Variants in CACNA1C observed in about 807,000 individuals in gnomAD.
CACNA1C encodes the protein calcium voltage-gated channel subunit alpha1 C.
CACNA1C carries 30 observed loss-of-function variants against 229.0 expected under a neutral mutation model. The ratio of observed to expected loss-of-function variants is 0.13; its 90% CI spans 0.10 to 0.18. The LOEUF (loss-of-function observed/expected upper bound fraction) is 0.18, where lower values mean the gene tolerates loss of function less well. Ranked by LOEUF, CACNA1C falls within the 10% of genes least tolerant of loss-of-function variation. The pLI, the probability that CACNA1C is intolerant of heterozygous loss-of-function variation, is 1.00. For missense variants in CACNA1C, 1,658 were observed against 2,845.0 expected (o/e 0.58, Z 9.49); for synonymous variants, 1,114 against 1,132.5 (o/e 0.98, Z 0.33).
Position 2,688,454 on chromosome 12 carries a change from C to T in CACNA1C, c.5792C>T (p.Ala1931Val). 1 of 1,613,698 alleles carries T rather than the reference C, an allele frequency of 6.2e-7. No homozygotes were observed. The highest frequency in any genetic ancestry group is 8.5e-7 in the Non-Finnish European group (1 of 1,179,804). ...CTCCTTGTGTGTCCGCAGGCATTGGCAGTGGCAGGCCTGAGCCCCCTCCTC... is the reference window on the plus strand; with the variant it reads ...CTCCTTGTGTGTCCGCAGGCATTGGTAGTGGCAGGCCTGAGCCCCCTCCTC... ...PLHLVHHQALAVAGLSPLLQR... is the reference protein window; with the variant it reads ...PLHLVHHQALVVAGLSPLLQR... Residue 1931 changes from alanine to valine, a missense_variant, in exon 46 of 47, where the codon GCA (alanine) becomes GTA (valine). Ala to Val is a moderately conservative substitution (Grantham distance 64). Coordinates refer to ENST00000399655, the MANE Select transcript of CACNA1C (RefSeq NM_000719.7).
In CACNA1C at chr12:2,605,634, C is replaced by A; in HGVS notation, c.3049-45C>A. 7.1e-7 allele frequency: 1 copy of A among 1,417,178 alleles called. No individual in the cohort carries two copies. The highest frequency in any genetic ancestry group is 1.0e-6 in the Non-Finnish European group (1 of 1,001,262). 87.8% of individuals were successfully genotyped at this position (1,417,178 alleles called of 1,614,324 possible). A position where few individuals can be genotyped will look rare whatever the true frequency, so the allele number is the denominator to read the frequency against. On this transcript the variant is annotated intron_variant, in intron 23 of 46. Transcript: ENST00000399655. The surrounding 1 kb of genome is among the most constrained non-coding windows in gnomAD (Gnocchi z 6.2). The stretch of plus-strand genomic sequence containing the variant: ...TGCTACCTCCTGGAAAGGCTCCTGG[C>A]ATCTCCTGAAGCCACGTCCCTCTCC...
At chr12:2,469,740 G>A (rs575915545) in intron 5 of CACNA1C, among the ~76,000 whole-genome samples, 1 of 152,218 alleles carries the variant, frequency 6.6e-6, no homozygotes, top group South Asian at 2.1e-4. Context: ...AGACCATATA[G>A]TCCTACTAAT....
chr12:2,523,205 T>A (rs985750245), intron 9 of CACNA1C, among the ~76,000 whole-genome samples: 2 of 152,136 alleles, frequency 1.3e-5, no homozygotes, highest in Non-Finnish European at 2.9e-5. Flanking sequence ...AGTTGAACTT[T>A]ATGATTCTGA....
At chr12:2,173,644 C>T (rs902641264) in intron 3 of CACNA1C, among the ~76,000 whole-genome samples, 1 of 152,062 alleles carries the variant, frequency 6.6e-6, no homozygotes, top group Admixed American at 6.5e-5. Flanking sequence ...TCCCTTTCTC[C>T]CCGCCTGAGC....
chr12:2,161,962 G>A (rs1412545891), intron 3 of CACNA1C, among the ~76,000 whole-genome samples: 5 of 152,162 alleles, frequency 3.3e-5, no homozygotes, highest in Non-Finnish European at 7.4e-5. Flanking sequence ...GCACTTAACT[G>A]TTCTGTTTCT....
At chr12:2,573,916 T>A (rs1433842377) in intron 13 of CACNA1C, among the ~76,000 whole-genome samples, 2 of 152,234 alleles carry the variant, frequency 1.3e-5, no homozygotes, top group Non-Finnish European at 2.9e-5. Context: ...TGATATATCA[T>A]TATGAGGAAA....
chr12:2,438,051 ATGATGGTGGTGATGATGGTAG>A (rs1463558915), intron 3 of CACNA1C, among the ~76,000 whole-genome samples: 1 of 124,644 alleles, frequency 8.0e-6, no homozygotes, highest in Non-Finnish European at 1.7e-5. Flanking sequence ...GGTGGTGGTA[ATGATGGTGGTGATGATGGTAG>A]TGATGGTGGT....
intron 3 of CACNA1C, among the ~76,000 whole-genome samples, chr12:2,376,218 G>A (rs192111883): frequency 1.1e-3 from 166 of 152,306 alleles, no homozygotes; most frequent in Non-Finnish European, 2.0e-3. Flanking sequence ...CACTGCCATG[G>A]AGGACACTCT....
intron 3 of CACNA1C, among the ~76,000 whole-genome samples, chr12:2,175,025 C>CA: frequency 6.6e-6 from 1 of 152,272 alleles, no homozygotes; most frequent in African/African-American, 2.4e-5. Context: ...AGAAAATCCA[C>CA]ATGTAAGTGA....
chr12:2,043,042 C>A (rs1446862771), intron 1 of CACNA1C, among the ~76,000 whole-genome samples: 1 of 152,174 alleles, frequency 6.6e-6, no homozygotes, highest in Non-Finnish European at 1.5e-5. Flanking sequence ...GACACTGTCA[C>A]CCGTTTATCT....
intron 1 of CACNA1C, among the ~76,000 whole-genome samples, chr12:1,984,234 C>A (rs1472362985): frequency 6.6e-6 from 1 of 152,004 alleles, no homozygotes; most frequent in Non-Finnish European, 1.5e-5. Flanking sequence ...AACGTAACTA[C>A]CGATATGGTT....
chr12:2,662,608 G>A (rs113842372), intron 34 of CACNA1C, among the ~76,000 whole-genome samples: 2 of 152,302 alleles, frequency 1.3e-5, no homozygotes, highest in African/African-American at 4.8e-5. Flanking sequence ...ACTCCCAACA[G>A]GATTATTCAC....
intron 15 of CACNA1C, among the ~76,000 whole-genome samples, chr12:2,583,159 C>T (rs1182910656): frequency 1.3e-5 from 2 of 152,206 alleles, no homozygotes; most frequent in Non-Finnish European, 1.5e-5. Flanking sequence ...GCAGCGGCGC[C>T]GCGCTCCGGG....
chr12:2,036,910 T>G (rs1164951487), intron 1 of CACNA1C, among the ~76,000 whole-genome samples: 3 of 152,146 alleles, frequency 2.0e-5, no homozygotes, highest in Non-Finnish European at 4.4e-5. Context: ...ACAGGAGGAT[T>G]CGGGGTACCC....
intron 3 of CACNA1C, among the ~76,000 whole-genome samples, chr12:2,267,835 T>G (rs892437599): frequency 1.3e-5 from 2 of 152,138 alleles, no homozygotes; most frequent in African/African-American, 4.8e-5. Context: ...GGGAGGGGTA[T>G]TCCCCCTGGT....
intron 3 of CACNA1C, among the ~76,000 whole-genome samples, chr12:2,345,040 T>G (rs1316306344): frequency 6.7e-6 from 1 of 148,756 alleles, no homozygotes; most frequent in Non-Finnish European, 1.5e-5. Flanking sequence ...GGAACCATAC[T>G]AGATCAAGCT....
At chr12:2,352,766 G>A (rs2097242999) in intron 3 of CACNA1C, among the ~76,000 whole-genome samples, 1 of 152,136 alleles carries the variant, frequency 6.6e-6, no homozygotes, top group African/African-American at 2.4e-5. Context: ...TGAGTGTCTG[G>A]CAAAGAAAAA....
At position 2,585,741 on chromosome 12, in the gene CACNA1C, C is replaced by A; in HGVS notation, c.2461-94C>A. Reference sequence around the variant, plus strand: ...ACAAGTACCTATTTTTGAGCTAAGTCACTGACTAAAATGCAACTTCAAGGC... The same window carrying A: ...ACAAGTACCTATTTTTGAGCTAAGTAACTGACTAAAATGCAACTTCAAGGC... On this transcript the variant is annotated intron_variant, in intron 17 of 46. Transcript: ENST00000399655. This position sits in a 1 kb window ranked among gnomAD's most constrained non-coding sequence, Gnocchi z 4.1. 9.9e-7 allele frequency: 1 copy of A among 1,008,878 alleles called. No individual in the cohort carries two copies. The highest frequency in any genetic ancestry group is 1.5e-6 in the Non-Finnish European group (1 of 651,100). 62.5% of individuals were successfully genotyped at this position (1,008,878 alleles called of 1,614,324 possible).
At chr12:2,207,704 T>C (rs1345420443) in intron 3 of CACNA1C, among the ~76,000 whole-genome samples, 1 of 152,076 alleles carries the variant, frequency 6.6e-6, no homozygotes, top group African/African-American at 2.4e-5. Context: ...GTCTCATTTA[T>C]TCTGGAGGCT....
Sources: allele counts gnomAD v4.1 joint callset (sites outside exome capture counted in the v4.1 genomes callset), GRCh38; gene constraint gnomAD v4.1.1; non-coding constraint Gnocchi (gnomAD v3.1); transcripts MANE v1.5; gene names NCBI Gene and HGNC (gene_info 2026-07-23, HGNC 2026-07-21).